The following GRK7 variants were observed in gnomAD, a reference collection of about 807,000 sequenced individuals.
The protein encoded by GRK7 is G protein-coupled receptor kinase 7, also known as rhodopsin kinase GRK7.
Under a neutral mutation model 34.1 loss-of-function variants are expected in GRK7, and 24 were observed. The ratio of observed to expected loss-of-function variants is 0.70; its 90% CI spans 0.51 to 0.99. The LOEUF is 0.99. Among genes scored for constraint, GRK7 ranks in the 50% least tolerant of loss-of-function variants. GRK7 has a pLI of 0.00. For synonymous variants in GRK7, 256 were observed against 279.4 expected (o/e 0.92, Z 0.84); for missense variants, 644 against 707.3 (o/e 0.91, Z 1.02).
In GRK7 at chr3:141,764,860, T is replaced by C. The variant is rs977994372; in HGVS notation, c.-1093T>C. ...ACCCTGTTTACCAGAAATTCATCCT[T>C]CCAGTTACTCAGGCCCAAAACCTTG... On this transcript the variant is annotated 5_prime_UTR_variant, in exon 1 of 6. Transcript: ENST00000682958. Among the ~76,000 whole-genome samples the C allele has an allele frequency of 3.3e-5, 5 of 152,170 alleles. No homozygotes were observed. Among genetic ancestry groups the C allele is most frequent in the African/African-American group, 1.2e-4 (5 of 41,430 alleles).
chr3:141,798,977 G>A (rs1421150207), intron 4 of GRK7, among the ~76,000 whole-genome samples: 1 of 152,162 alleles, frequency 6.6e-6, no homozygotes, highest in Admixed American at 6.5e-5. Flanking sequence ...ACACCAGGGG[G>A]TCTACAGTGC....
In GRK7 at chr3:141,774,314, C is replaced by T. The variant is rs192993030; in HGVS notation, c.-214-266C>T. ...GTGCACAACTGTAGTCCCAGCAAAT[C>T]GGGAGGCTGAGGTAGGAGGATCCCT... On this transcript the variant is annotated intron_variant, in intron 1 of 5. Coordinates refer to ENST00000682958, the MANE Select transcript of GRK7 (RefSeq NM_139209.3). 5.7e-4 allele frequency among the ~76,000 whole-genome samples: 86 copies of T among 151,930 alleles called. No individual in the cohort carries two copies. In the East Asian group the frequency reaches 7.4e-3, roughly 13 times the overall value.
Position 141,791,953 on chromosome 3 carries a change from G to A in GRK7, c.1050+11142G>A, listed in dbSNP as rs575063879. 1.9e-4 allele frequency among the ~76,000 whole-genome samples: 27 copies of A among 141,188 alleles called. No individual in the cohort carries two copies. The East Asian group carries it at 2.3e-3, about 12-fold the overall frequency. The allele number at this position is 141,188 out of a possible 152,430, so 92.6% of individuals were successfully genotyped here. ...CGGGAGGCGGAGGTTGTAGTGAGCC[G>A]AAATCATGCCATTGCACTCCAGCCT... On this transcript the variant is annotated intron_variant, in intron 4 of 5. Coordinates refer to ENST00000682958, the MANE Select transcript of GRK7 (RefSeq NM_139209.3).
At chr3:141,776,587 G>A (rs1165490799) in intron 2 of GRK7, among the ~76,000 whole-genome samples, 1 of 152,204 alleles carries the variant, frequency 6.6e-6, no homozygotes, top group Non-Finnish European at 1.5e-5. Flanking sequence ...CCACGGCAGA[G>A]GTGATCGTTT....
chr3:141,776,161 C>T (rs952564330), intron 2 of GRK7, among the ~76,000 whole-genome samples: 1 of 152,034 alleles, frequency 6.6e-6, no homozygotes, highest in Non-Finnish European at 1.5e-5. Flanking sequence ...GTGGCGGGCA[C>T]CTGTAGTCCT....
At chr3:141,756,393 G>A in the GRK7 span, among the ~76,000 whole-genome samples, 1 of 152,090 alleles carries the variant, frequency 6.6e-6, no homozygotes, top group African/African-American at 2.4e-5. Context: ...TTTAGATTAT[G>A]TTGAGCAAAA....
At position 141,778,038 on chromosome 3, in the gene GRK7, G is replaced by C; in HGVS notation, c.-113-134G>C. On this transcript the variant is annotated intron_variant, in intron 2 of 5. Transcript: ENST00000682958. The surrounding 1 kb of genome is among the most constrained non-coding windows in gnomAD (Gnocchi z 4.1). ...CCAGTGGGGGAGGTGGCCCCGGCAG[G>C]TGTCCCAGCAGCTTTCGCCTTGGCA... The C allele has an allele frequency of 2.0e-6, 1 of 489,892 alleles. No individual in the cohort carries two copies. Among genetic ancestry groups the C allele is most frequent in the South Asian group, 4.1e-5 (1 of 24,686 alleles). 30.3% of individuals were successfully genotyped at this position (489,892 alleles called of 1,614,324 possible).
chr3:141,779,218 G>A (rs1299398164), intron 3 of GRK7, among the ~76,000 whole-genome samples: 1 of 152,006 alleles, frequency 6.6e-6, no homozygotes, highest in Non-Finnish European at 1.5e-5. Context: ...CCCCTAAATT[G>A]TGATAATGAA....
At chr3:141,777,841 A>G (rs1184793160) in intron 2 of GRK7, among the ~76,000 whole-genome samples, 31 of 152,120 alleles carry the variant, frequency 2.0e-4, no homozygotes, top group Admixed American at 2.0e-3. Context: ...TGCTATTCCT[A>G]GGAGTTTACA....
At chr3:141,772,707 C>A (rs2084622058) in intron 1 of GRK7, among the ~76,000 whole-genome samples, 1 of 152,122 alleles carries the variant, frequency 6.6e-6, no homozygotes, top group Non-Finnish European at 1.5e-5. Context: ...TAATGAAAGA[C>A]CTGGGCAAGA....
chr3:141,751,363 T>C, the GRK7 span, among the ~76,000 whole-genome samples: 1 of 152,306 alleles, frequency 6.6e-6, no homozygotes, highest in African/African-American at 2.4e-5. Context: ...TTCACCATTA[T>C]GACAAAGAAT....
At chr3:141,811,088 G>T (rs1483056696) in intron 5 of GRK7, among the ~76,000 whole-genome samples, 1 of 152,100 alleles carries the variant, frequency 6.6e-6, no homozygotes, top group Non-Finnish European at 1.5e-5. Flanking sequence ...GCCAAGGCGG[G>T]TGGGTCACCT....
chr3:141,809,983 ATAT>A (rs915956591), intron 5 of GRK7, among the ~76,000 whole-genome samples: 5 of 152,166 alleles, frequency 3.3e-5, no homozygotes, highest in Non-Finnish European at 7.3e-5. Context: ...ATTTGGTCAA[ATAT>A]TATTGAGATA....
chr3:141,779,419 A>AAAAAG (rs1264320562), intron 3 of GRK7, among the ~76,000 whole-genome samples: 1 of 151,676 alleles, frequency 6.6e-6, no homozygotes, highest in African/African-American at 2.4e-5. Context: ...CAAAAAAAAA[A>AAAAAG]AAAAAAAGAA....
chr3:141,788,771 A>G (rs2084708755), intron 4 of GRK7, among the ~76,000 whole-genome samples: 1 of 152,176 alleles, frequency 6.6e-6, no homozygotes, highest in Non-Finnish European at 1.5e-5. Flanking sequence ...AGTGGGCCTT[A>G]AGACGTCTCT....
At chr3:141,788,444 C>T (rs2084707170) in intron 4 of GRK7, among the ~76,000 whole-genome samples, 1 of 152,128 alleles carries the variant, frequency 6.6e-6, no homozygotes, top group Admixed American at 6.5e-5. Context: ...GCCCCCTGGC[C>T]TCTTACCTGG....
intron 5 of GRK7, among the ~76,000 whole-genome samples, chr3:141,812,281 A>G (rs898666940): frequency 6.6e-6 from 1 of 152,220 alleles, no homozygotes; most frequent in African/African-American, 2.4e-5. Context: ...TGGCTGTTAC[A>G]AAAGATACTG....
chr3:141,791,575 C>A (rs188524106), intron 4 of GRK7, among the ~76,000 whole-genome samples: 1 of 152,310 alleles, frequency 6.6e-6, no homozygotes, highest in African/African-American at 2.4e-5. Context: ...CAAGGGCATT[C>A]AAAAATATTC....
intron 5 of GRK7, among the ~76,000 whole-genome samples, chr3:141,808,652 G>A (rs561305467): frequency 5.3e-5 from 8 of 152,240 alleles, no homozygotes; most frequent in Admixed American, 4.6e-4. Flanking sequence ...AGCAGAGGTT[G>A]CAGTGAGCCA....
Sources: gnomAD v4.1 joint callset for allele counts (sites outside exome capture counted in the v4.1 genomes callset) on GRCh38, gnomAD v4.1.1 for gene constraint, Gnocchi (gnomAD v3.1) non-coding constraint, MANE v1.5 for transcripts, NCBI Gene and HGNC (gene_info 2026-07-23, HGNC 2026-07-21) for gene names.